Variants in CCDC159 observed in about 807,000 individuals in gnomAD.
The protein encoded by CCDC159 is coiled-coil domain-containing protein 159.
Under a neutral mutation model 50.9 loss-of-function variants are expected in CCDC159, and 40 were observed. The ratio of observed to expected loss-of-function variants is 0.79; its 90% CI spans 0.61 to 1.02. The LOEUF is 1.02. Ranked by LOEUF, CCDC159 falls within the 50% of genes least tolerant of loss-of-function variation. The probability of loss-of-function intolerance (pLI) is 0.00; values close to 1 mark genes in which losing one functional copy is unlikely to be tolerated. For synonymous variants in CCDC159, 146 were observed against 138.9 expected, an observed-to-expected ratio of 1.05 and a Z score of -0.36; for missense variants, 356 against 371.5, an observed-to-expected ratio of 0.96 and a Z score of 0.34.
intron 7 of CCDC159, 30 bp downstream of exon 7, chr19:11,352,163 G>A (rs979981109): frequency 1.2e-6 from 2 of 1,607,560 alleles, no homozygotes; most frequent in African/African-American, 2.7e-5. Flanking sequence ...ACCCTGGGGA[G>A]GAGTGGGAGA....
intron 1 of CCDC159, among the ~76,000 whole-genome samples, 198 bp downstream of exon 1, chr19:11,346,825 T>G (rs1967264935): frequency 6.6e-6 from 1 of 152,112 alleles, no homozygotes. Flanking sequence ...CCTTTTCCCC[T>G]CCAAGCCTCC....
intron 4 of CCDC159, 22 bp from the exon 5 acceptor site, chr19:11,350,786 C>T: frequency 6.5e-7 from 1 of 1,528,414 alleles, no homozygotes. Context: ...AGGGCTCAGT[C>T]AAGGTCCCAC....
intron 5 of CCDC159, 108 bp downstream of exon 5, chr19:11,351,111 A>G (rs1229165954): frequency 3.6e-6 from 4 of 1,122,334 alleles, no homozygotes; most frequent in East Asian, 5.4e-5. Context: ...GGGGAGGGGG[A>G]CTGAGGGATG....
intron 1 of CCDC159, chr19:11,348,243 T>C (rs1459710412): frequency 2.3e-6 from 1 of 437,748 alleles, no homozygotes; most frequent in African/African-American, 2.1e-5. Flanking sequence ...TCTGGGTCCT[T>C]CTCACTGCCC....
intron 4 of CCDC159, among the ~76,000 whole-genome samples, 190 bp from the exon 5 acceptor site, chr19:11,350,618 C>T (rs1280854744): frequency 2.0e-5 from 3 of 152,140 alleles, no homozygotes; most frequent in Non-Finnish European, 2.9e-5. Flanking sequence ...CCACTGCACT[C>T]CAGCCTGGGC....
In CCDC159 at chr19:11,350,136, CA is replaced by C; in HGVS notation, c.164del (p.His55ProfsTer3). On this transcript the variant is annotated frameshift_variant, in exon 4 of 11. Coordinates refer to ENST00000458408, the MANE Select transcript of CCDC159 (RefSeq NM_001080503.3). LOFTEE classifies it high-confidence loss of function. ...CCCCCAGGCTTTCGAGTTCCTGAAC[CA>C]CTCAGTGACCATGTTGGAGAAGGAG... is the stretch of plus-strand genomic sequence containing the variant. ...AQTKAFEFLN[H>X]SVTMLEKESC... 6.2e-7 allele frequency: 1 copy of C among 1,613,644 alleles called. No individual in the cohort carries two copies. Among genetic ancestry groups the C allele is most frequent in the Non-Finnish European group, 8.5e-7 (1 of 1,179,778 alleles).
At chr19:11,353,378 G>T (rs1430573299) in intron 7 of CCDC159, 73 bp from the exon 8 acceptor site, 2 of 1,478,288 alleles carry the variant, frequency 1.4e-6, no homozygotes, top group Admixed American at 2.1e-5. Context: ...GGGATTACAG[G>T]TGTGAGCCAC....
At chr19:11,346,820 TC>T (rs1967264416) in intron 1 of CCDC159, among the ~76,000 whole-genome samples, 193 bp downstream of exon 1, 2 of 152,218 alleles carry the variant, frequency 1.3e-5, no homozygotes, top group South Asian at 4.1e-4. Context: ...CCTCTCCTTT[TC>T]CCCTCCAAGC....
Position 11,352,038 on chromosome 19 carries a change from G to T in CCDC159, c.491-19G>T. Reference sequence around the variant, plus strand: ...GTCCTTCTTCAGCCTTTGTCCGCCTGAGCCCCCTCCCTCCACAGAAGCGCA... The same window carrying T: ...GTCCTTCTTCAGCCTTTGTCCGCCTTAGCCCCCTCCCTCCACAGAAGCGCA... On this transcript the variant is annotated intron_variant, in intron 6 of 10. Transcript: ENST00000458408. 1 of 1,613,520 alleles carries T rather than the reference G, an allele frequency of 6.2e-7. No individual in the cohort carries two copies. The highest frequency in any genetic ancestry group is 8.5e-7 in the Non-Finnish European group (1 of 1,179,622).
Position 11,346,634 on chromosome 19 carries a change from G to T in CCDC159, c.21+7G>T. On this transcript the variant is annotated splice_region_variant and intron_variant, in intron 1 of 10. Coordinates refer to ENST00000458408, the MANE Select transcript of CCDC159 (RefSeq NM_001080503.3). Reference sequence around the variant, plus strand: ...GGGAGAGCATGAACAGGTGGTATGTGGTAGGTGGGGTTCTGGAGCCTGGCG... The same window carrying T: ...GGGAGAGCATGAACAGGTGGTATGTTGTAGGTGGGGTTCTGGAGCCTGGCG... 3 of 1,551,460 alleles carry T rather than the reference G, an allele frequency of 1.9e-6. No individual in the cohort carries two copies. Among genetic ancestry groups the T allele is most frequent in the Non-Finnish European group, 2.6e-6 (3 of 1,146,906 alleles).
At chr19:11,354,424 G>A (rs933007897) in intron 9 of CCDC159, among the ~76,000 whole-genome samples, 156 bp from the exon 10 acceptor site, 12 of 152,144 alleles carry the variant, frequency 7.9e-5, no homozygotes, top group Admixed American at 6.5e-4. Context: ...AAAATGCAAG[G>A]GTCATTGAAG....
At position 11,346,617 on chromosome 19, in the gene CCDC159, A is replaced by G. The variant is rs1967245215; in HGVS notation, c.11A>G (p.His4Arg). The stretch of plus-strand genomic sequence containing the variant: ...GCTTCGTGGTCCCTGATGGGAGAGC[A>G]TGAACAGGTGGTATGTGGTAGGTGG... Reference protein sequence around the residue: MGEHEQVKPLETSS... With the variant: MGEREQVKPLETSS... Residue 4 changes from histidine (H) to arginine (R), a missense_variant, in exon 1 of 11, where the codon CAT becomes CGT. By Grantham distance (29) the His-to-Arg change is conservative (BLOSUM62 0). Transcript: ENST00000458408. 6.4e-7 allele frequency: 1 copy of G among 1,551,476 alleles called. No homozygotes were observed. The highest frequency in any genetic ancestry group is 8.7e-7 in the Non-Finnish European group (1 of 1,146,926).
At chr19:11,352,691 G>A (rs1344788338) in intron 7 of CCDC159, among the ~76,000 whole-genome samples, 1 of 152,072 alleles carries the variant, frequency 6.6e-6, no homozygotes, top group Non-Finnish European at 1.5e-5. Context: ...AGCACTTTGG[G>A]AGGCTGAGGT....
In CCDC159 at chr19:11,346,554, C is replaced by T. The variant is rs1967241338; in HGVS notation, c.-53C>T. 3.2e-6 allele frequency: 5 copies of T among 1,547,760 alleles called. No homozygotes were observed. In the African/African-American group the frequency reaches 4.1e-5, roughly 13 times the overall value. ...CTGAGCGTTTTAATACGATGGTGTC[C>T]CCGCGGGATCAAACTTCAGCGTCAC... On this transcript the variant is annotated 5_prime_UTR_variant, in exon 1 of 11. Coordinates refer to ENST00000458408, the MANE Select transcript of CCDC159 (RefSeq NM_001080503.3).
Position 11,354,609 on chromosome 19 carries a change from C to T in CCDC159, c.802C>T (p.Pro268Ser). 1 of 1,582,226 alleles carries T rather than the reference C, an allele frequency of 6.3e-7. No homozygotes were observed. ...CAAGGGGCACCAGTGCCTGAGCCCT[C>T]CACTCCCCTCCTGGGACTCTGACTC... ...GHKGHQCLSP[P>S]LPSWDSDSDC... The change falls in exon 10 of 11, where the codon CCA becomes TCA. Residue 268 changes from proline (P) to serine (S), a missense_variant. Pro to Ser is a moderately conservative substitution (Grantham distance 74, BLOSUM62 -1). Coordinates refer to ENST00000458408, the MANE Select transcript of CCDC159 (RefSeq NM_001080503.3).
Position 11,350,111 on chromosome 19 carries a change from C to T in CCDC159, c.145-7C>T. ...CTCCCACCCCAAGGCTGACCTCTTT[C>T]CCCCAGGCTTTCGAGTTCCTGAACC... On this transcript the variant is annotated splice_region_variant and splice_polypyrimidine_tract_variant and intron_variant, in intron 3 of 10. Coordinates refer to ENST00000458408, the MANE Select transcript of CCDC159 (RefSeq NM_001080503.3). 1.2e-6 allele frequency: 2 copies of T among 1,613,376 alleles called. No individual in the cohort carries two copies. The highest frequency in any genetic ancestry group is 1.7e-6 in the Non-Finnish European group (2 of 1,179,630).
At chr19:11,353,382 G>C (rs1967687420) in intron 7 of CCDC159, 69 bp from the exon 8 acceptor site, 5 of 1,489,964 alleles carry the variant, frequency 3.4e-6, no homozygotes, top group Non-Finnish European at 4.5e-6. Flanking sequence ...TTACAGGTGT[G>C]AGCCACCGCG....
chr19:11,348,688 G>A, intron 1 of CCDC159: 1 of 458,720 alleles, frequency 2.2e-6, no homozygotes, highest in South Asian at 1.5e-5. Flanking sequence ...GTCAGGGAGG[G>A]TCTGGGGGCA....
chr19:11,353,656 G>C, intron 8 of CCDC159, 84 bp downstream of exon 8: 4 of 1,593,632 alleles, frequency 2.5e-6, no homozygotes, highest in Non-Finnish European at 3.4e-6. Context: ...ACCAGAACCT[G>C]GAGCCCACCT....
Sources: allele counts gnomAD v4.1 joint callset (sites outside exome capture counted in the v4.1 genomes callset), GRCh38; gene constraint gnomAD v4.1.1; transcripts MANE v1.5; gene names NCBI Gene and HGNC (gene_info 2026-07-23, HGNC 2026-07-21).